Variants in HPSE2 observed in about 807,000 individuals in gnomAD.
HPSE2 encodes the protein inactive heparanase-2.
Under a neutral mutation model 60.5 loss-of-function variants are expected in HPSE2, and 38 were observed. The ratio of observed to expected loss-of-function variants is 0.63; its 90% CI spans 0.48 to 0.82. HPSE2 has a LOEUF of 0.82. HPSE2 is among the 40% of genes least tolerant of loss of function. HPSE2 has a pLI of 0.00. For synonymous variants in HPSE2, 295 were observed against 293.2 expected, an observed-to-expected ratio of 1.01 and a Z score of -0.06; for missense variants, 713 against 740.4, an observed-to-expected ratio of 0.96 and a Z score of 0.43.
the HPSE2 span, among the ~76,000 whole-genome samples, chr10:99,273,566 C>A: frequency 6.6e-6 from 1 of 152,256 alleles, no homozygotes; most frequent in Non-Finnish European, 1.5e-5. Flanking sequence ...TAAATCTAGG[C>A]ACTGAAATTT....
At chr10:98,901,740 T>C (rs937576873) in intron 3 of HPSE2, among the ~76,000 whole-genome samples, 16 of 152,214 alleles carry the variant, frequency 1.1e-4, no homozygotes, top group African/African-American at 3.9e-4. Context: ...AGGCTTAGAA[T>C]TTAATTCTGA....
chr10:98,749,947 T>TATATATATATATATATATACACACACAC lies in HPSE2; in HGVS notation c.611-5892_611-5891insGTGTGTGTGTATATATATATATATATAT. Among the ~76,000 whole-genome samples the TATATATATATATATATATACACACACAC allele has an allele frequency of 2.5e-3, 248 of 98,436 alleles. 4 individuals are homozygous for TATATATATATATATATATACACACACAC. In the Middle Eastern group the frequency reaches 0.025, roughly 10 times the overall value. 64.6% of individuals were successfully genotyped at this position (98,436 alleles called of 152,430 possible). A position where few individuals can be genotyped will look rare whatever the true frequency, so the allele number is the denominator to read the frequency against. ...ATTAAACACTATATATATATATATATACACACACACTTACACACACATTTA... is the reference window on the plus strand; with the variant it reads ...ATTAAACACTATATATATATATATATATATATATATATATATATACACACACACACACACACACTTACACACACATTTA... On this transcript the variant is annotated intron_variant, in intron 3 of 11. Transcript: ENST00000370552.
chr10:98,737,728 G>A (rs1158890410), intron 4 of HPSE2, among the ~76,000 whole-genome samples: 2 of 152,086 alleles, frequency 1.3e-5, no homozygotes, highest in Non-Finnish European at 2.9e-5. Context: ...ATTCACAATT[G>A]CTACAAAGAG....
intron 4 of HPSE2, among the ~76,000 whole-genome samples, chr10:98,725,707 A>G (rs1045294084): frequency 2.0e-5 from 3 of 152,212 alleles, no homozygotes; most frequent in African/African-American, 4.8e-5. Context: ...CAGGCAACCT[A>G]CAAAATGGGA....
chr10:99,214,962 A>G (rs998344554), intron 2 of HPSE2, among the ~76,000 whole-genome samples: 17 of 152,156 alleles, frequency 1.1e-4, no homozygotes, highest in African/African-American at 4.1e-4. Context: ...GGCTGTGGAG[A>G]AATAGTAACA....
chr10:98,775,906 T>C (rs911490529), intron 3 of HPSE2, among the ~76,000 whole-genome samples: 3 of 152,214 alleles, frequency 2.0e-5, no homozygotes, highest in Non-Finnish European at 4.4e-5. Flanking sequence ...AACACAGTCA[T>C]ATTTCAGTAA....
intron 3 of HPSE2, among the ~76,000 whole-genome samples, chr10:99,088,855 C>T (rs1165176254): frequency 1.3e-5 from 2 of 152,114 alleles, no homozygotes; most frequent in African/African-American, 4.8e-5. Flanking sequence ...ACCACATCCA[C>T]ACCAACATCT....
intron 3 of HPSE2, among the ~76,000 whole-genome samples, chr10:98,945,942 T>A (rs1255946922): frequency 6.6e-6 from 1 of 152,108 alleles, no homozygotes. Flanking sequence ...CCACACAAGT[T>A]TGAACTGTGC....
At chr10:99,310,873 T>C in the HPSE2 span, among the ~76,000 whole-genome samples, 130,547 of 152,190 alleles carry the variant, frequency 0.86, 56,378 homozygotes, top group African/African-American at 0.93. Context: ...AAGTGATCTG[T>C]CTGCCTCGGC....
At chr10:98,579,552 T>C (rs189294403) in intron 9 of HPSE2, among the ~76,000 whole-genome samples, 54 of 152,228 alleles carry the variant, frequency 3.5e-4, no homozygotes, top group African/African-American at 1.3e-3. Flanking sequence ...GAGGAGGTCA[T>C]TAGTTCTTCC....
intron 3 of HPSE2, among the ~76,000 whole-genome samples, chr10:98,965,468 CATGGT>C (rs1222197868): frequency 1.3e-5 from 2 of 151,812 alleles, no homozygotes; most frequent in Admixed American, 1.3e-4. Context: ...ATGCATGACA[CATGGT>C]AGGCATTCAA....
At chr10:99,118,365 T>C (rs1933881595) in intron 3 of HPSE2, among the ~76,000 whole-genome samples, 2 of 151,210 alleles carry the variant, frequency 1.3e-5, no homozygotes, top group South Asian at 2.1e-4. Context: ...CTACTAAAAA[T>C]ACAAAAAATT....
Position 99,099,759 on chromosome 10 carries a change from C to A in HPSE2, c.610+44479G>T, listed in dbSNP as rs562729796. On this transcript the variant is annotated intron_variant, in intron 3 of 11. Coordinates refer to ENST00000370552, the MANE Select transcript of HPSE2 (RefSeq NM_021828.5). ...GCACCCCCTAGTAGGGGCAGAGTGA[C>A]ACCTCACACGGCTGGGTATCCCTCT... 8.5e-4 allele frequency among the ~76,000 whole-genome samples: 130 copies of A among 152,280 alleles called. 1 individual carries two copies. Among genetic ancestry groups the A allele is most frequent in the African/African-American group, 3.0e-3 (123 of 41,560 alleles).
At chr10:98,574,776 A>G (rs489289) in intron 9 of HPSE2, among the ~76,000 whole-genome samples, 129,176 of 152,058 alleles carry the variant, frequency 0.85, 56,142 homozygotes, top group East Asian at 1. Context: ...AGGAAGACTG[A>G]GGACTCTGAA....
At chr10:98,468,642 C>T (rs1438077227) in intron 11 of HPSE2, among the ~76,000 whole-genome samples, 1 of 152,034 alleles carries the variant, frequency 6.6e-6, no homozygotes, top group Non-Finnish European at 1.5e-5. Flanking sequence ...TTTCATTTCT[C>T]AATTTTCAAT....
At position 99,115,446 on chromosome 10, in the gene HPSE2, G is replaced by A. The variant is rs143107295; in HGVS notation, c.610+28792C>T. On this transcript the variant is annotated intron_variant, in intron 3 of 11. Coordinates refer to ENST00000370552, the MANE Select transcript of HPSE2 (RefSeq NM_021828.5). ...TGGGATTACAGGTGTGAGCCACCAC[G>A]CTTGGCCAATTTTTTTTTTTTTATT... Among the ~76,000 whole-genome samples the A allele has an allele frequency of 6.1e-3, 925 of 151,854 alleles. 4 individuals carry two copies. Among genetic ancestry groups the A allele is most frequent in the Non-Finnish European group, 9.9e-3 (671 of 67,950 alleles).
At chr10:98,712,591 A>T (rs1948701244) in intron 5 of HPSE2, among the ~76,000 whole-genome samples, 1 of 151,984 alleles carries the variant, frequency 6.6e-6, no homozygotes, top group Non-Finnish European at 1.5e-5. Context: ...TAAAATGGCA[A>T]TTTTTCTATT....
At chr10:99,035,472 C>A (rs766727279) in intron 3 of HPSE2, among the ~76,000 whole-genome samples, 1 of 152,136 alleles carries the variant, frequency 6.6e-6, no homozygotes, top group Non-Finnish European at 1.5e-5. Context: ...GGAGGACCTG[C>A]CTGAGGCTGT....
chr10:99,279,865 AC>A, the HPSE2 span, among the ~76,000 whole-genome samples: 2 of 152,190 alleles, frequency 1.3e-5, no homozygotes, highest in African/African-American at 4.8e-5. Flanking sequence ...AATAAAACAG[AC>A]GTGACTTTCC....
Sources: gnomAD v4.1 joint callset for allele counts (sites outside exome capture counted in the v4.1 genomes callset) on GRCh38, gnomAD v4.1.1 for gene constraint, MANE v1.5 for transcripts, NCBI Gene and HGNC (gene_info 2026-07-23, HGNC 2026-07-21) for gene names.